GABRG3: variants seen among roughly 807,000 people sequenced by gnomAD.
GABRG3 encodes gamma-aminobutyric acid type A receptor subunit gamma3.
A neutral mutation model predicts 48.8 loss-of-function variants in GABRG3; 25 were observed. That is an observed-to-expected ratio of 0.51 (90% CI 0.37 to 0.72). GABRG3 has a LOEUF of 0.72. Among genes scored for constraint, GABRG3 ranks in the 30% least tolerant of loss-of-function variants. GABRG3 has a pLI of 0.00. For missense variants in GABRG3, 394 were observed against 577.9 expected (o/e 0.68, Z 3.26); for synonymous variants, 227 against 217.6 (o/e 1.04, Z -0.38).
intron 3 of GABRG3, among the ~76,000 whole-genome samples, chr15:27,200,121 C>T (rs997210663): frequency 6.6e-6 from 1 of 152,018 alleles, no homozygotes; most frequent in Non-Finnish European, 1.5e-5. Context: ...AAAAGTAAAA[C>T]AAAGCAACAA....
intron 3 of GABRG3, among the ~76,000 whole-genome samples, chr15:27,307,003 C>CATATATAAAA (rs1159670106): frequency 9.5e-6 from 1 of 105,704 alleles, no homozygotes; most frequent in Non-Finnish European, 1.7e-5. Flanking sequence ...TATATATAAA[C>CATATATAAAA]ATGTATAAAC....
chr15:26,994,536 A>G (rs773418989), intron 2 of GABRG3, among the ~76,000 whole-genome samples: 2 of 151,848 alleles, frequency 1.3e-5, no homozygotes, highest in Non-Finnish European at 2.9e-5. Context: ...TTTATATCTT[A>G]TTGTACTGTC....
chr15:27,179,016 C>G lies in GABRG3; in HGVS notation c.271-147793C>G, dbSNP rs1290056712. ...GGGATTCTTGTTTCTATGGCAGCCTCAGAGGAGAATGGGACTGAGAGGAGA... is the reference window on the plus strand; with the variant it reads ...GGGATTCTTGTTTCTATGGCAGCCTGAGAGGAGAATGGGACTGAGAGGAGA... On this transcript the variant is annotated intron_variant, in intron 3 of 9. Transcript: ENST00000615808. This position sits in a 1 kb window ranked among gnomAD's most constrained non-coding sequence, Gnocchi z 4.0. Among the ~76,000 whole-genome samples the G allele has an allele frequency of 2.0e-5, 3 of 151,782 alleles. No homozygotes were observed. The highest frequency in any genetic ancestry group is 4.4e-5 in the Non-Finnish European group (3 of 68,026).
chr15:27,237,800 TG>T (rs1890020496), intron 3 of GABRG3, among the ~76,000 whole-genome samples: 2 of 152,196 alleles, frequency 1.3e-5, no homozygotes, highest in African/African-American at 2.4e-5. Flanking sequence ...CCTTGCTCAT[TG>T]GGACTTGGGA....
At chr15:27,337,386 G>A (rs900951282) in intron 5 of GABRG3, among the ~76,000 whole-genome samples, 2 of 152,220 alleles carry the variant, frequency 1.3e-5, no homozygotes, top group South Asian at 2.1e-4. Flanking sequence ...ACAGAATATT[G>A]TCATTTTGCT....
Position 27,407,069 on chromosome 15 carries a change from G to A in GABRG3, c.575-73581G>A, listed in dbSNP as rs535381096. Among the ~76,000 whole-genome samples the A allele has an allele frequency of 7.9e-5, 12 of 151,980 alleles. No homozygotes were observed. The East Asian group carries it at 2.3e-3, about 30-fold the overall frequency. ...CACCCTCGGGAGTAGCTGCGATTAGGGGCACGTGCGACCACGGCCGGCTAA... is the reference window on the plus strand; with the variant it reads ...CACCCTCGGGAGTAGCTGCGATTAGAGGCACGTGCGACCACGGCCGGCTAA... On this transcript the variant is annotated intron_variant, in intron 5 of 9. Coordinates refer to ENST00000615808, the MANE Select transcript of GABRG3 (RefSeq NM_033223.5).
At chr15:27,193,134 G>T (rs1313879994) in intron 3 of GABRG3, among the ~76,000 whole-genome samples, 3 of 152,186 alleles carry the variant, frequency 2.0e-5, no homozygotes, top group East Asian at 1.9e-4. Context: ...CTACTGGGGG[G>T]TGCCTCCCAG....
intron 5 of GABRG3, among the ~76,000 whole-genome samples, chr15:27,333,180 A>G (rs562896143): frequency 2.6e-5 from 4 of 152,326 alleles, no homozygotes; most frequent in African/African-American, 7.2e-5. Context: ...AGAATATTCA[A>G]TTGCAAACAG....
chr15:27,429,553 AT>A (rs1433524847), intron 5 of GABRG3, among the ~76,000 whole-genome samples: 1 of 152,212 alleles, frequency 6.6e-6, no homozygotes, highest in Non-Finnish European at 1.5e-5. Context: ...CACCCTAAAA[AT>A]AAGCCCAGTA....
In GABRG3 at chr15:27,347,417, TC is replaced by T. The variant is rs1894411921; in HGVS notation, c.574+18532del. Among the ~76,000 whole-genome samples the T allele has an allele frequency of 4.6e-5, 7 of 152,274 alleles. No homozygotes were observed. In the South Asian group the frequency reaches 1.5e-3, roughly 32 times the overall value. On this transcript the variant is annotated intron_variant, in intron 5 of 9. Coordinates refer to ENST00000615808, the MANE Select transcript of GABRG3 (RefSeq NM_033223.5). ...TTTCCTCCCTTACTCCTTTTCCCTT[TC>T]CCAGCTACAGTGCCCCCCAGTCTAT...
rs4377134 is a variant in GABRG3 at position 27,095,464 on chromosome 15, G to T, written c.270+68643G>T. 3.3e-3 allele frequency among the ~76,000 whole-genome samples: 493 copies of T among 149,352 alleles called. 2 individuals are homozygous for T. Among genetic ancestry groups the T allele is most frequent in the Non-Finnish European group, 3.9e-3 (263 of 66,918 alleles). ...CAGTGATTTCCCTTGTGTAGGTCTC[G>T]GTCTCCACATAGATGCTGGCGAATG... On this transcript the variant is annotated intron_variant, in intron 3 of 9. Transcript: ENST00000615808.
At chr15:27,174,608 C>CTCTG (rs1887685642) in intron 3 of GABRG3, among the ~76,000 whole-genome samples, 1 of 151,766 alleles carries the variant, frequency 6.6e-6, no homozygotes, top group African/African-American at 2.4e-5. Flanking sequence ...CTCTCTCTCT[C>CTCTG]TCTCTCTCTC....
intron 5 of GABRG3, chr15:27,428,353 A>G (rs1164756297): frequency 6.6e-6 from 1 of 152,220 alleles, no homozygotes; most frequent in African/African-American, 2.4e-5. Context: ...GAGTACTGTC[A>G]TGTAATTCAC....
At chr15:27,387,626 G>A (rs1195274527) in intron 5 of GABRG3, among the ~76,000 whole-genome samples, 1 of 151,708 alleles carries the variant, frequency 6.6e-6, no homozygotes, top group East Asian at 2.0e-4. Flanking sequence ...TTTTTAGGTG[G>A]CAGCAAAGAG....
intron 1 of GABRG3, among the ~76,000 whole-genome samples, chr15:26,973,746 A>G (rs1894887044): frequency 6.6e-6 from 1 of 152,242 alleles, no homozygotes; most frequent in South Asian, 2.1e-4. Flanking sequence ...AATGCTTAAA[A>G]ATACTTCAGA....
rs1221530713 is a variant in GABRG3, at chr15:27,541,801, G to A, written c.*8920G>A. 2.0e-5 allele frequency: 3 copies of A among 152,218 alleles called. No homozygotes were observed. The highest frequency in any genetic ancestry group is 4.4e-5 in the Non-Finnish European group (3 of 68,062). The allele number at this position is 152,218 out of a possible 1,614,324, so 9.4% of individuals were successfully genotyped here. ...TATCCGTGCGGCTCGTGGTGTCCTA[G>A]TGAAATGAGGGCGCACTGGCGCCCG... On this transcript the variant is annotated 3_prime_UTR_variant, in exon 10 of 10. Transcript: ENST00000615808.
chr15:27,431,379 T>C (rs2140623239), intron 5 of GABRG3, among the ~76,000 whole-genome samples: 1 of 152,356 alleles, frequency 6.6e-6, no homozygotes, highest in African/African-American at 2.4e-5. Flanking sequence ...TTTGACCTTG[T>C]GAACTGCAGC....
chr15:27,075,324 T>C (rs769418123), intron 3 of GABRG3, among the ~76,000 whole-genome samples: 29 of 152,198 alleles, frequency 1.9e-4, no homozygotes, highest in South Asian at 1.9e-3. Flanking sequence ...AATGATTACG[T>C]GTGGAGGCTT....
intron 3 of GABRG3, 85 bp from the exon 4 acceptor site, chr15:27,326,724 A>C: frequency 9.1e-7 from 1 of 1,093,256 alleles, no homozygotes; most frequent in Non-Finnish European, 1.4e-6. Context: ...CAACATGGAG[A>C]GAACACAACG....
Sources: allele counts gnomAD v4.1 joint callset (sites outside exome capture counted in the v4.1 genomes callset), GRCh38; gene constraint gnomAD v4.1.1; non-coding constraint Gnocchi (gnomAD v3.1); transcripts MANE v1.5; gene names NCBI Gene and HGNC (gene_info 2026-07-23, HGNC 2026-07-21).